CACNG6: variants seen among roughly 807,000 people sequenced by gnomAD.
CACNG6 encodes calcium voltage-gated channel auxiliary subunit gamma 6, also known as voltage-dependent calcium channel gamma-6 subunit.
A neutral mutation model predicts 23.9 loss-of-function variants in CACNG6; 21 were observed. That is an observed-to-expected ratio of 0.88 (90% CI 0.62 to 1.26). The LOEUF (loss-of-function observed/expected upper bound fraction) is 1.26. CACNG6 is among the 50% of genes most tolerant of loss of function. The pLI, the probability that CACNG6 is intolerant of heterozygous loss-of-function variation, is 0.00. For synonymous variants in CACNG6, 182 were observed against 168.9 expected (o/e 1.08, Z -0.60); for missense variants, 340 against 352.9 (o/e 0.96, Z 0.29).
intron 3 of CACNG6, among the ~76,000 whole-genome samples, chr19:54,008,499 G>A (rs2069670568): frequency 1.3e-5 from 2 of 152,186 alleles, no homozygotes; most frequent in Admixed American, 6.5e-5. Context: ...TGACTCATGC[G>A]TGACTCTCAG....
In CACNG6 at chr19:53,991,871, G is replaced by C. The variant is rs1356930903; in HGVS notation, c.-1007G>C. Among the ~76,000 whole-genome samples the C allele has an allele frequency of 6.6e-6, 1 of 152,194 alleles. No individual in the cohort carries two copies. The highest frequency in any genetic ancestry group is 1.5e-5 in the Non-Finnish European group (1 of 68,016). The stretch of plus-strand genomic sequence containing the variant: ...CGAAGGGGCGCAGCGTCTCTTGCGG[G>C]TCGCGGTTGGCCTTTGAACCCTGGG... On this transcript the variant is annotated 5_prime_UTR_variant, in exon 1 of 4. Coordinates refer to ENST00000252729, the MANE Select transcript of CACNG6 (RefSeq NM_145814.2).
chr19:54,011,201 A>ATATAT (rs1224254977), intron 3 of CACNG6, among the ~76,000 whole-genome samples: 1 of 83,828 alleles, frequency 1.2e-5, no homozygotes, highest in Non-Finnish European at 2.2e-5. Flanking sequence ...AAAAAAAAAA[A>ATATAT]AAAAATATAT....
At chr19:54,004,217 A>C (rs1410199571) in intron 3 of CACNG6, among the ~76,000 whole-genome samples, 1 of 151,792 alleles carries the variant, frequency 6.6e-6, no homozygotes, top group Admixed American at 6.6e-5. Flanking sequence ...CTGGAGTGCA[A>C]TGGCACGATC....
At chr19:53,994,721 A>G (rs1350444043) in intron 1 of CACNG6, among the ~76,000 whole-genome samples, 2 of 152,096 alleles carry the variant, frequency 1.3e-5, no homozygotes, top group Admixed American at 6.6e-5. Context: ...TCCAGATGTG[A>G]TATCTTATAT....
At chr19:54,011,205 A>ATATATATATATAT (rs1555819786) in intron 3 of CACNG6, among the ~76,000 whole-genome samples, 1 of 102,506 alleles carries the variant, frequency 9.8e-6, no homozygotes, top group Admixed American at 1.2e-4. Flanking sequence ...AAAAAAAAAA[A>ATATATATATATAT]ATATATATAT....
intron 3 of CACNG6, among the ~76,000 whole-genome samples, chr19:54,008,895 G>C (rs148658435): frequency 1.3e-5 from 2 of 152,210 alleles, no homozygotes; most frequent in Non-Finnish European, 2.9e-5. Context: ...GCAGGCCCTC[G>C]ATGGCCAGGA....
At chr19:54,001,666 C>A (rs1381717263) in intron 3 of CACNG6, among the ~76,000 whole-genome samples, 1 of 152,148 alleles carries the variant, frequency 6.6e-6, no homozygotes, top group East Asian at 1.9e-4. Context: ...GAGAGGGCCT[C>A]TCTGGGGAGG....
At position 54,012,079 on chromosome 19, in the gene CACNG6, G is replaced by C; in HGVS notation, c.673G>C (p.Val225Leu). 1 of 1,590,150 alleles carries C rather than the reference G, an allele frequency of 6.3e-7. No individual in the cohort carries two copies. The highest frequency in any genetic ancestry group is 8.5e-7 in the Non-Finnish European group (1 of 1,169,832). Residue 225 changes from valine (V) to leucine (L), a missense_variant, in exon 4 of 4, where the codon GTG becomes CTG. Physicochemically the swap from Val to Leu is conservative, Grantham distance 32. Coordinates refer to ENST00000252729, the MANE Select transcript of CACNG6 (RefSeq NM_145814.2). ...YEYSWSLGCG[V>L]GAGLILLLGA... is the part of the protein sequence containing the mutation. ...GTACTCCTGGTCCCTGGGCTGCGGCGTGGGGGCCGGCCTGATCCTGCTGTT... is the reference window on the plus strand; with the variant it reads ...GTACTCCTGGTCCCTGGGCTGCGGCCTGGGGGCCGGCCTGATCCTGCTGTT...
intron 3 of CACNG6, among the ~76,000 whole-genome samples, chr19:54,001,489 A>G (rs898634686): frequency 6.6e-6 from 1 of 152,104 alleles, no homozygotes; most frequent in Non-Finnish European, 1.5e-5. Context: ...GCGCCCGGCC[A>G]AGACTTTCAT....
intron 3 of CACNG6, among the ~76,000 whole-genome samples, chr19:54,004,937 C>T (rs1035449301): frequency 2.6e-5 from 4 of 151,182 alleles, no homozygotes; most frequent in Non-Finnish European, 5.9e-5. Context: ...AAGAGGGGGG[C>T]GCGGTGGCTC....
Position 53,992,115 on chromosome 19 carries a change from C to A in CACNG6, c.-763C>A, listed in dbSNP as rs1444940333. On this transcript the variant is annotated 5_prime_UTR_variant, in exon 1 of 4. Coordinates refer to ENST00000252729, the MANE Select transcript of CACNG6 (RefSeq NM_145814.2). This position sits in a 1 kb window ranked among gnomAD's most constrained non-coding sequence, Gnocchi z 4.1. ...GCAGGGGAGACCCCTATCCCCTTTT[C>A]CTGAATTCCAGCGAGGCCCAGTCCT... Among the ~76,000 whole-genome samples the A allele has an allele frequency of 6.6e-6, 1 of 152,170 alleles. No individual in the cohort carries two copies. Among genetic ancestry groups the A allele is most frequent in the Admixed American group, 6.5e-5 (1 of 15,282 alleles).
Position 53,992,946 on chromosome 19 carries a change from G to T in CACNG6, c.69G>T (p.Ala23=). 3 of 1,370,894 alleles carry T rather than the reference G, an allele frequency of 2.2e-6. No individual in the cohort carries two copies. The highest frequency in any genetic ancestry group is 2.0e-5 in the South Asian group (1 of 48,976). 84.9% of individuals were successfully genotyped at this position (1,370,894 alleles called of 1,614,324 possible). A position where few individuals can be genotyped will look rare whatever the true frequency, so the allele number is the denominator to read the frequency against. The change falls in exon 1 of 4, where the codon GCG becomes GCT. Residue 23 remains alanine, a synonymous_variant. Transcript: ENST00000252729. The surrounding 1 kb of genome is among the most constrained non-coding windows in gnomAD (Gnocchi z 4.1). Reference sequence around the variant, plus strand: ...GGGGGGCCGCGGGCCGGCGGCGGGCGCACGGGCAGGGCAGGTCGGGGCTGA... The same window carrying T: ...GGGGGGCCGCGGGCCGGCGGCGGGCTCACGGGCAGGGCAGGTCGGGGCTGA... ...RRRGAAGRRR[A]HGQGRSGLTP... is the part of the protein sequence containing the mutation.
At position 54,012,308 on chromosome 19, in the gene CACNG6, T is replaced by C. The variant is rs981849349; in HGVS notation, c.*119T>C. The C allele has an allele frequency of 3.2e-5, 16 of 494,780 alleles. 1 individual carries two copies. Among genetic ancestry groups the C allele is most frequent in the African/African-American group, 1.8e-4 (9 of 51,130 alleles). 30.6% of individuals were successfully genotyped at this position (494,780 alleles called of 1,614,324 possible). ...TGTGTTCTCCCTGCTCGGGGGCCCA[T>C]GTTTTTTTACACGCCTGCCTCCTGT... On this transcript the variant is annotated 3_prime_UTR_variant, in exon 4 of 4. Coordinates refer to ENST00000252729, the MANE Select transcript of CACNG6 (RefSeq NM_145814.2).
At chr19:54,004,335 T>TTG (rs4022332) in intron 3 of CACNG6, among the ~76,000 whole-genome samples, 3,229 of 107,202 alleles carry the variant, frequency 0.03, 76 homozygotes, top group Non-Finnish European at 0.042. Context: ...TTTTGTATTT[T>TTG]TGTGTGTGTG....
In CACNG6 at chr19:53,999,645, G is replaced by T; in HGVS notation, c.418G>T (p.Ala140Ser). 6.2e-7 allele frequency: 1 copy of T among 1,613,528 alleles called. No individual in the cohort carries two copies. The highest frequency in any genetic ancestry group is 8.5e-7 in the Non-Finnish European group (1 of 1,179,954). ...TCTCCTGCTGGCAGAGGTGAATCTG[G>T]CAGCTGCGGTGATAGCAGTGCTGGG... ...QRTTKKEVNL[A>S]AAVIAVLGLA... The change falls in exon 3 of 4, where the codon GCA becomes TCA. Residue 140 changes from alanine (A) to serine (S), a missense_variant. Ala to Ser is a moderately conservative substitution (Grantham distance 99). Coordinates refer to ENST00000252729, the MANE Select transcript of CACNG6 (RefSeq NM_145814.2).
At chr19:54,001,674 A>T (rs1344253144) in intron 3 of CACNG6, among the ~76,000 whole-genome samples, 1 of 152,138 alleles carries the variant, frequency 6.6e-6, no homozygotes, top group African/African-American at 2.4e-5. Context: ...CTCTCTGGGG[A>T]GGTGACATTG....
chr19:54,009,877 G>C (rs1394550386), intron 3 of CACNG6, among the ~76,000 whole-genome samples: 1 of 149,178 alleles, frequency 6.7e-6, no homozygotes, highest in African/African-American at 2.5e-5. Flanking sequence ...AGTGAGCCGA[G>C]ATTGCCACTG....
At position 54,002,089 on chromosome 19, in the gene CACNG6, C is replaced by CT. The variant is rs111730295; in HGVS notation, c.544+2328dup. On this transcript the variant is annotated intron_variant, in intron 3 of 3. Coordinates refer to ENST00000252729, the MANE Select transcript of CACNG6 (RefSeq NM_145814.2). ...TCCCTATGTCTCTTTCTATCTCTCTCTTTTTTTTTTGTTTTTGAGACAGGG... is the reference window on the plus strand; with the variant it reads ...TCCCTATGTCTCTTTCTATCTCTCTCTTTTTTTTTTTGTTTTTGAGACAGGG... Among the ~76,000 whole-genome samples, 755 of 147,196 alleles carry CT rather than the reference C, an allele frequency of 5.1e-3. 19 individuals are homozygous for CT. The East Asian group carries it at 0.052, about 10-fold the overall frequency.
At chr19:54,005,250 T>TAAATAAAG (rs368321136) in intron 3 of CACNG6, among the ~76,000 whole-genome samples, 1 of 93,996 alleles carries the variant, frequency 1.1e-5, no homozygotes, top group Non-Finnish European at 2.0e-5. Flanking sequence ...AATAAATAAA[T>TAAATAAAG]AATAATAAAA....
Sources: gnomAD v4.1 joint callset for allele counts (sites outside exome capture counted in the v4.1 genomes callset) on GRCh38, gnomAD v4.1.1 for gene constraint, Gnocchi (gnomAD v3.1) non-coding constraint, MANE v1.5 for transcripts, NCBI Gene and HGNC (gene_info 2026-07-23, HGNC 2026-07-21) for gene names.